RUBCNL: variants seen among roughly 807,000 people sequenced by gnomAD.
The protein encoded by RUBCNL is rubicon like autophagy enhancer.
In RUBCNL, 62 loss-of-function variants were observed where a neutral mutation model predicts 69.5. That is an observed-to-expected ratio of 0.89 (90% CI 0.73 to 1.10). The LOEUF is 1.10. Ranked by LOEUF, RUBCNL falls within the 50% of genes least tolerant of loss-of-function variation. RUBCNL has a pLI of 0.00. For missense variants in RUBCNL, 768 were observed against 798.1 expected, an observed-to-expected ratio of 0.96 and a Z score of 0.45; for synonymous variants, 291 against 303.6, an observed-to-expected ratio of 0.96 and a Z score of 0.43.
In RUBCNL at chr13:46,339,152, C is replaced by G. The variant is rs536784996; in HGVS notation, c.*4233G>C. On this transcript the variant is annotated 3_prime_UTR_variant, in exon 15 of 15. Coordinates refer to ENST00000429979, the MANE Select transcript of RUBCNL (RefSeq NM_025113.5). ...TGGCTTGGAGAGCTGCCCAGATATG[C>G]GAGGATGCAAAGGTTCTCGATTTCT... Among the ~76,000 whole-genome samples, 80 of 152,110 alleles carry G rather than the reference C, an allele frequency of 5.3e-4. No homozygotes were observed. Among genetic ancestry groups the G allele is most frequent in the Middle Eastern group, 3.4e-3 (1 of 294 alleles).
intron 1 of RUBCNL, among the ~76,000 whole-genome samples, chr13:46,379,798 CCA>C (rs1226010632): frequency 6.6e-6 from 1 of 152,172 alleles, no homozygotes; most frequent in Non-Finnish European, 1.5e-5. Flanking sequence ...TGTTTGGTTA[CCA>C]CAGTTCCCCA....
chr13:46,372,940 C>T (rs2048910580), intron 2 of RUBCNL, among the ~76,000 whole-genome samples: 1 of 151,592 alleles, frequency 6.6e-6, no homozygotes, highest in Non-Finnish European at 1.5e-5. Context: ...GGAATACTAT[C>T]TGGAAGTAAA....
intron 10 of RUBCNL, among the ~76,000 whole-genome samples, chr13:46,353,748 T>C (rs2048422298): frequency 1.3e-5 from 2 of 152,214 alleles, no homozygotes; most frequent in Non-Finnish European, 2.9e-5. Flanking sequence ...GGAAGAGAAA[T>C]ATTCTAGAAC....
intron 1 of RUBCNL, among the ~76,000 whole-genome samples, chr13:46,380,597 A>C (rs1476970508): frequency 6.6e-6 from 1 of 152,150 alleles, no homozygotes; most frequent in Non-Finnish European, 1.5e-5. Flanking sequence ...TAGGATTAAG[A>C]CCTACATAGG....
At chr13:46,358,268 C>T (rs2048534389) in intron 9 of RUBCNL, among the ~76,000 whole-genome samples, 2 of 152,262 alleles carry the variant, frequency 1.3e-5, no homozygotes, top group Admixed American at 6.5e-5. Flanking sequence ...CTCTCCAGTC[C>T]CTTGGGCACA....
chr13:46,364,565 T>C (rs2048707069), intron 5 of RUBCNL, among the ~76,000 whole-genome samples: 2 of 151,694 alleles, frequency 1.3e-5, no homozygotes, highest in Non-Finnish European at 1.5e-5. Context: ...CTTTTGCCCA[T>C]CATCCATAGT....
chr13:46,338,872 C>T lies in RUBCNL; in HGVS notation c.*4513G>A, dbSNP rs552473564. Among the ~76,000 whole-genome samples the T allele has an allele frequency of 8.5e-5, 13 of 152,124 alleles. No individual in the cohort carries two copies. In the East Asian group the frequency reaches 2.3e-3, roughly 27 times the overall value. On this transcript the variant is annotated 3_prime_UTR_variant, in exon 15 of 15. Coordinates refer to ENST00000429979, the MANE Select transcript of RUBCNL (RefSeq NM_025113.5). ...CCAGCCTGGCCAACATGGCGAAACCCCGTCTCTACCAAAAACAGAAAAAAA... is the reference window on the plus strand; with the variant it reads ...CCAGCCTGGCCAACATGGCGAAACCTCGTCTCTACCAAAAACAGAAAAAAA...
rs755822137 is a variant in RUBCNL at position 46,354,945 on chromosome 13, C to T, written c.1330+1487G>A. 19 of 425,870 alleles carry T rather than the reference C, an allele frequency of 4.5e-5. No individual in the cohort carries two copies. The Middle Eastern group carries it at 1.8e-3, about 40-fold the overall frequency. The allele number at this position is 425,870 out of a possible 1,614,324, so 26.4% of individuals were successfully genotyped here. On this transcript the variant is annotated intron_variant, in intron 10 of 14. Coordinates refer to ENST00000429979, the MANE Select transcript of RUBCNL (RefSeq NM_025113.5). ...CTCATGCATTCAATATTTACAGAAG[C>T]GCCAGGATACAGTGGTTAACCAAAG...
At chr13:46,348,469 C>G (rs1398289988) in intron 12 of RUBCNL, among the ~76,000 whole-genome samples, 1 of 152,120 alleles carries the variant, frequency 6.6e-6, no homozygotes, top group Admixed American at 6.5e-5. Context: ...GCTGTGTCCC[C>G]ACCCAAATCT....
Position 46,338,845 on chromosome 13 carries a change from G to A in RUBCNL, c.*4540C>T, listed in dbSNP as rs552616694. Among the ~76,000 whole-genome samples, 3 of 152,100 alleles carry A rather than the reference G, an allele frequency of 2.0e-5. No individual in the cohort carries two copies. Among genetic ancestry groups the A allele is most frequent in the South Asian group, 4.2e-4 (2 of 4,812 alleles). On this transcript the variant is annotated 3_prime_UTR_variant, in exon 15 of 15. Coordinates refer to ENST00000429979, the MANE Select transcript of RUBCNL (RefSeq NM_025113.5). The stretch of plus-strand genomic sequence containing the variant: ...GCCGAGGCGGGTAGATCACTTCTGA[G>A]ACCAGCCTGGCCAACATGGCGAAAC...
intron 13 of RUBCNL, 126 bp from the exon 14 acceptor site, chr13:46,344,957 A>T (rs259738): frequency 0.28 from 181,868 of 642,320 alleles, 27,072 homozygotes; most frequent in Non-Finnish European, 0.31. Flanking sequence ...AAGGAAAAGG[A>T]TGTTGTTTTG....
intron 9 of RUBCNL, 32 bp downstream of exon 9, chr13:46,359,454 G>A: frequency 6.3e-7 from 1 of 1,591,602 alleles, no homozygotes; most frequent in Non-Finnish European, 8.6e-7. Context: ...GATTTAAATG[G>A]ATTGGAGGCC....
rs991049170 is a variant in RUBCNL at position 46,341,401 on chromosome 13, T to A, written c.*1984A>T. On this transcript the variant is annotated 3_prime_UTR_variant, in exon 15 of 15. Transcript: ENST00000429979. ...GGCTGAAGATCACTTCCCTAACAGGTGCCTTCCTGGGAAGAAGCCTCTATT... is the reference window on the plus strand; with the variant it reads ...GGCTGAAGATCACTTCCCTAACAGGAGCCTTCCTGGGAAGAAGCCTCTATT... Among the ~76,000 whole-genome samples, 1 of 152,204 alleles carries A rather than the reference T, an allele frequency of 6.6e-6. No homozygotes were observed. The highest frequency in any genetic ancestry group is 2.4e-5 in the African/African-American group (1 of 41,444).
At position 46,361,703 on chromosome 13, in the gene RUBCNL, T is replaced by C. The variant is rs140782109; in HGVS notation, c.987-130A>G. ...AGAGGCTGTCATATGAGATGACGCA[T>C]GAATCACTCACCAGGCATCTTACTC... On this transcript the variant is annotated intron_variant, in intron 7 of 14. Transcript: ENST00000429979. 44 of 820,924 alleles carry C rather than the reference T, an allele frequency of 5.4e-5. No individual in the cohort carries two copies. The East Asian group carries it at 1.2e-3, about 22-fold the overall frequency. 50.9% of individuals were successfully genotyped at this position (820,924 alleles called of 1,614,324 possible). A position where few individuals can be genotyped will look rare whatever the true frequency, so the allele number is the denominator to read the frequency against.
intron 12 of RUBCNL, 41 bp downstream of exon 12, chr13:46,349,245 T>C: frequency 2.5e-6 from 4 of 1,570,562 alleles, no homozygotes; most frequent in Non-Finnish European, 3.5e-6. Flanking sequence ...GATTAGCAGA[T>C]GTATGGAGGG....
At chr13:46,364,758 C>A (rs576668831) in intron 5 of RUBCNL, among the ~76,000 whole-genome samples, 1 of 150,544 alleles carries the variant, frequency 6.6e-6, no homozygotes, top group African/African-American at 2.5e-5. Context: ...ACCAACCCAC[C>A]TCATGGAGGA....
Position 46,372,569 on chromosome 13 carries a change from A to G in RUBCNL, c.-94T>C. On this transcript the variant is annotated 5_prime_UTR_variant, in exon 3 of 15. An upstream start codon of the reference 5' UTR is lost. Coordinates refer to ENST00000429979, the MANE Select transcript of RUBCNL (RefSeq NM_025113.5). Reference sequence around the variant, plus strand: ...TTGATTTGGGCCCTGAACTCACCACATGGCCAGCTGGGGGTCTGGAGAGCT... The same window carrying G: ...TTGATTTGGGCCCTGAACTCACCACGTGGCCAGCTGGGGGTCTGGAGAGCT... 1 of 1,484,970 alleles carries G rather than the reference A, an allele frequency of 6.7e-7. No individual in the cohort carries two copies. The allele number at this position is 1,484,970 out of a possible 1,614,324, so 92.0% of individuals were successfully genotyped here.
intron 10 of RUBCNL, among the ~76,000 whole-genome samples, chr13:46,355,065 G>T (rs1566070578): frequency 6.6e-6 from 1 of 152,224 alleles, no homozygotes; most frequent in Non-Finnish European, 1.5e-5. Context: ...ATCCAGTGTA[G>T]GAGAGGAAGC....
chr13:46,387,484 G>A (rs982648604), upstream of RUBCNL: 4 of 985,414 alleles, frequency 4.1e-6, no homozygotes, highest in African/African-American at 1.7e-5. Context: ...CGCCTCTGCC[G>A]GTCCTCCTAG....
Sources: gnomAD v4.1 joint callset for allele counts (sites outside exome capture counted in the v4.1 genomes callset) on GRCh38, gnomAD v4.1.1 for gene constraint, MANE v1.5 for transcripts, NCBI Gene and HGNC (gene_info 2026-07-23, HGNC 2026-07-21) for gene names.